CPLX1: variants seen among roughly 807,000 people sequenced by gnomAD.
CPLX1 encodes the protein complexin-1.
In CPLX1, 6 loss-of-function variants were observed where a neutral mutation model predicts 15.6. That is an observed-to-expected ratio of 0.39 (90% CI 0.21 to 0.76). CPLX1 has a LOEUF of 0.76. Ranked by LOEUF, CPLX1 falls within the 30% of genes least tolerant of loss-of-function variation. The probability of loss-of-function intolerance (pLI) is 0.43; values close to 1 mark genes in which losing one functional copy is unlikely to be tolerated. For synonymous variants in CPLX1, 91 were observed against 75.2 expected, an observed-to-expected ratio of 1.21 and a Z score of -1.08; for missense variants, 242 against 188.6, an observed-to-expected ratio of 1.28 and a Z score of -1.66.
intron 2 of CPLX1, among the ~76,000 whole-genome samples, chr4:799,757 G>A (rs1746415250): frequency 6.6e-6 from 1 of 152,212 alleles, no homozygotes; most frequent in Non-Finnish European, 1.5e-5. Flanking sequence ...CAGCTACTCA[G>A]TAGGCTGAGG....
chr4:800,503 T>TAC (rs1479330004), intron 2 of CPLX1, among the ~76,000 whole-genome samples: 1 of 144,964 alleles, frequency 6.9e-6, no homozygotes, highest in Non-Finnish European at 1.5e-5. Flanking sequence ...CACACACATA[T>TAC]ACACACACAG....
Position 787,784 on chromosome 4 carries a change from C to G in CPLX1, c.208-1086G>C, listed in dbSNP as rs975246491. ...CCTCCCCACGCCACACTCCTCCAGC[C>G]CTCCCGTGAGCCACCAGCCCAGGAA... On this transcript the variant is annotated intron_variant, in intron 3 of 3. Transcript: ENST00000304062. The G allele has an allele frequency of 2.1e-5, 21 of 985,358 alleles. No homozygotes were observed. In the East Asian group the frequency reaches 1.9e-3, roughly 91 times the overall value. 61.0% of individuals were successfully genotyped at this position (985,358 alleles called of 1,614,324 possible). A position where few individuals can be genotyped will look rare whatever the true frequency, so the allele number is the denominator to read the frequency against.
intron 1 of CPLX1, among the ~76,000 whole-genome samples, chr4:825,761 G>A (rs1325247988): frequency 1.3e-5 from 2 of 151,394 alleles, no homozygotes; most frequent in Non-Finnish European, 3.0e-5. Flanking sequence ...GAGAGAAACG[G>A]GGGCTGCGGG....
intron 2 of CPLX1, 150 bp from the exon 3 acceptor site, chr4:792,758 C>T: frequency 3.8e-6 from 3 of 784,338 alleles, no homozygotes; most frequent in South Asian, 1.8e-5. Flanking sequence ...CCAGCCGCTC[C>T]TCCCACCTCC....
intron 2 of CPLX1, among the ~76,000 whole-genome samples, chr4:798,508 C>T (rs1455034880): frequency 6.6e-6 from 1 of 152,170 alleles, no homozygotes; most frequent in East Asian, 1.9e-4. Flanking sequence ...ACTTCCTGGG[C>T]TCAACTGATC....
intron 2 of CPLX1, among the ~76,000 whole-genome samples, chr4:803,855 A>C (rs145795939): frequency 2.6e-5 from 4 of 151,864 alleles, no homozygotes; most frequent in African/African-American, 9.7e-5. Context: ...TTTTTAGCAG[A>C]GATGGGGTTT....
chr4:792,516 G>C lies in CPLX1; in HGVS notation c.124C>G (p.Arg42Gly). The change falls in exon 3 of 4, where the codon CGC becomes GGC. Residue 42 changes from arginine (R) to glycine (G), a missense_variant. Physicochemically the swap from Arg to Gly is moderately radical, Grantham distance 125 (BLOSUM62 -2). Transcript: ENST00000304062. ...GCCTTGCGCTCCTCCTCCGCCTGGC[G>C]CAGCGCCTCCTGCCGCTCCTCCTCC... ...KKEEERQEAL[R>G]QAEEERKAKY... 1 of 1,613,156 alleles carries C rather than the reference G, an allele frequency of 6.2e-7. No homozygotes were observed. The highest frequency in any genetic ancestry group is 8.5e-7 in the Non-Finnish European group (1 of 1,179,682).
At chr4:802,905 T>C (rs1378177956) in intron 2 of CPLX1, among the ~76,000 whole-genome samples, 1 of 149,790 alleles carries the variant, frequency 6.7e-6, no homozygotes, top group Non-Finnish European at 1.5e-5. Context: ...GAGCCGAGAC[T>C]GCGCCACTGT....
chr4:796,567 G>A (rs765854049), intron 2 of CPLX1, among the ~76,000 whole-genome samples: 6 of 152,208 alleles, frequency 3.9e-5, no homozygotes, highest in Admixed American at 6.5e-5. Context: ...ACAGGCATGA[G>A]CCACTGCACC....
At chr4:823,809 G>A (rs1295611900) in intron 2 of CPLX1, among the ~76,000 whole-genome samples, 1 of 152,268 alleles carries the variant, frequency 6.6e-6, no homozygotes, top group African/African-American at 2.4e-5. Flanking sequence ...GGTCAAGTGG[G>A]GACGAGGTTC....
intron 3 of CPLX1, chr4:787,441 C>T (rs1414828071): frequency 3.2e-6 from 3 of 938,594 alleles, no homozygotes; most frequent in East Asian, 1.2e-4. Context: ...TGATCTCATT[C>T]GGAAACAGGT....
rs920402169 is a variant in CPLX1 at position 786,321 on chromosome 4, G to T, written c.*180C>A. On this transcript the variant is annotated 3_prime_UTR_variant, in exon 4 of 4. Coordinates refer to ENST00000304062, the MANE Select transcript of CPLX1 (RefSeq NM_006651.4). ...CAGAGGAGCACGGGGCGGACTGGGG[G>T]GGTCCTGGGGGCGCGCGCCCCTTGC... is the stretch of plus-strand genomic sequence containing the variant. 2.5e-5 allele frequency: 13 copies of T among 521,336 alleles called. No homozygotes were observed. The highest frequency in any genetic ancestry group is 4.2e-5 in the Non-Finnish European group (13 of 310,248). The allele number at this position is 521,336 out of a possible 1,614,324, so 32.3% of individuals were successfully genotyped here.
At chr4:798,737 C>T (rs1409356637) in intron 2 of CPLX1, among the ~76,000 whole-genome samples, 2 of 152,170 alleles carry the variant, frequency 1.3e-5, no homozygotes, top group Non-Finnish European at 2.9e-5. Flanking sequence ...ATTCAATATC[C>T]ATGTGCAAAA....
Position 786,567 on chromosome 4 carries a change from G to GTCC in CPLX1, c.336_338dup (p.Glu112dup), listed in dbSNP as rs1211272300. The GTCC allele has an allele frequency of 3.7e-6, 6 of 1,609,850 alleles. No individual in the cohort carries two copies. The African/African-American group carries it at 4.0e-5, about 11-fold the overall frequency. ...TGATGACGGTGTCCAGGATGCTCTCGTCCTCCTCCTCCACCTCGTCCCCGC... is the reference window on the plus strand; with the variant it reads ...TGATGACGGTGTCCAGGATGCTCTCGTCCTCCTCCTCCTCCACCTCGTCCCCGC... On this transcript the variant is annotated inframe_insertion, in exon 4 of 4. Transcript: ENST00000304062.
chr4:788,450 C>T, intron 3 of CPLX1: 1 of 985,396 alleles, frequency 1.0e-6, no homozygotes. Context: ...CGTGGGCTCG[C>T]CCTAGTCCTC....
At position 790,198 on chromosome 4, in the gene CPLX1, G is replaced by C. The variant is rs75076898; in HGVS notation, c.207+2235C>G. ...GATCCACTTTGGCAGGGCCTCCAGAGCAGAGAGGCTGGTGCTTCCAAGGCC... is the reference window on the plus strand; with the variant it reads ...GATCCACTTTGGCAGGGCCTCCAGACCAGAGAGGCTGGTGCTTCCAAGGCC... On this transcript the variant is annotated intron_variant, in intron 3 of 3. Coordinates refer to ENST00000304062, the MANE Select transcript of CPLX1 (RefSeq NM_006651.4). Among the ~76,000 whole-genome samples the C allele has an allele frequency of 1.2e-3, 182 of 152,352 alleles. 1 individual carries two copies. Among genetic ancestry groups the C allele is most frequent in the African/African-American group, 4.1e-3 (172 of 41,592 alleles).
rs746078245 is a variant in CPLX1 at position 806,902 on chromosome 4, C to T, written c.32-14294G>A. On this transcript the variant is annotated intron_variant, in intron 2 of 3. Coordinates refer to ENST00000304062, the MANE Select transcript of CPLX1 (RefSeq NM_006651.4). ...TGGGAGTGTAAATTAGTTCAACCAC[C>T]GTGGAAGACTGTGGCGATTCCTCAG... Among the ~76,000 whole-genome samples the T allele has an allele frequency of 3.9e-4, 59 of 152,250 alleles. 1 individual carries two copies. The highest frequency in any genetic ancestry group is 1.2e-3 in the Admixed American group (19 of 15,288).
chr4:786,422 G>A lies in CPLX1; in HGVS notation c.*79C>T. 1 of 1,437,656 alleles carries A rather than the reference G, an allele frequency of 7.0e-7. No homozygotes were observed. The allele number at this position is 1,437,656 out of a possible 1,614,324, so 89.1% of individuals were successfully genotyped here. On this transcript the variant is annotated 3_prime_UTR_variant, in exon 4 of 4. Coordinates refer to ENST00000304062, the MANE Select transcript of CPLX1 (RefSeq NM_006651.4). ...TATATCGGCGTGGGGGCTGCGCTCT[G>A]CTCGTCCCTCAGGGGCCTCCGCGGA... is the stretch of plus-strand genomic sequence containing the variant.
At chr4:804,950 G>T in intron 2 of CPLX1, 2 of 985,408 alleles carry the variant, frequency 2.0e-6, no homozygotes, top group South Asian at 9.4e-5. Flanking sequence ...GAGTTCACCC[G>T]GCGTCCCACT....
Sources: allele counts gnomAD v4.1 joint callset (sites outside exome capture counted in the v4.1 genomes callset), GRCh38; gene constraint gnomAD v4.1.1; transcripts MANE v1.5; gene names NCBI Gene and HGNC (gene_info 2026-07-23, HGNC 2026-07-21).